The following SPATS2L variants were observed in gnomAD, a reference collection of about 807,000 sequenced individuals.
SPATS2L encodes the protein spermatogenesis associated serine rich 2 like.
SPATS2L carries 30 observed loss-of-function variants against 59.6 expected under a neutral mutation model. That is an observed-to-expected ratio of 0.50 (90% CI 0.38 to 0.68). The LOEUF is 0.68. SPATS2L is among the 30% of genes least tolerant of loss of function. The pLI is 0.00. For missense variants in SPATS2L, 615 were observed against 700.0 expected (o/e 0.88, Z 1.37); for synonymous variants, 252 against 263.5 (o/e 0.96, Z 0.42).
chr2:200,459,903 T>TA, intron 9 of SPATS2L, 76 bp downstream of exon 9: 1 of 1,093,312 alleles, frequency 9.1e-7, no homozygotes, highest in Middle Eastern at 2.0e-4. Flanking sequence ...CTGACAATGA[T>TA]ACCGGCTTCT....
chr2:200,389,338 C>T, intron 3 of SPATS2L, 55 bp downstream of exon 3: 4 of 1,296,754 alleles, frequency 3.1e-6, no homozygotes, highest in Non-Finnish European at 3.2e-6. Flanking sequence ...TAATGCAGTT[C>T]CTAGCAGGTA....
At chr2:200,394,002 T>C (rs1401679796) in intron 3 of SPATS2L, among the ~76,000 whole-genome samples, 1 of 152,262 alleles carries the variant, frequency 6.6e-6, no homozygotes, top group African/African-American at 2.4e-5. Flanking sequence ...CCTGCCTTCA[T>C]GCAGCTTTTA....
chr2:200,476,117 A>C (rs929942638), intron 12 of SPATS2L, among the ~76,000 whole-genome samples: 2 of 152,218 alleles, frequency 1.3e-5, no homozygotes, highest in Admixed American at 1.3e-4. Context: ...AGGAGTTCAG[A>C]AATCTTTCCC....
At chr2:200,459,743 T>G (rs763136500) in intron 8 of SPATS2L, 26 bp from the exon 9 acceptor site, 1 of 1,577,232 alleles carries the variant, frequency 6.3e-7, no homozygotes, top group Admixed American at 1.7e-5. Context: ...TTCTTTGCTT[T>G]TGTTTTTGTT....
intron 2 of SPATS2L, among the ~76,000 whole-genome samples, chr2:200,379,259 G>T (rs749551822): frequency 6.6e-6 from 1 of 152,200 alleles, no homozygotes; most frequent in Admixed American, 6.5e-5. Context: ...GTGACTTAGT[G>T]AGTAGCTTAC....
intron 8 of SPATS2L, among the ~76,000 whole-genome samples, chr2:200,445,380 T>C (rs1290079079): frequency 6.6e-6 from 1 of 152,130 alleles, no homozygotes; most frequent in African/African-American, 2.4e-5. Context: ...TTGAAATAAG[T>C]TTTATCTTTC....
chr2:200,415,934 CAGAGAA>C (rs142248128), intron 4 of SPATS2L, among the ~76,000 whole-genome samples: 4 of 152,090 alleles, frequency 2.6e-5, no homozygotes, highest in African/African-American at 9.6e-5. Flanking sequence ...TGAATAGGGA[CAGAGAA>C]AGAGAAAGAA....
chr2:200,382,222 A>G (rs1183976173), intron 2 of SPATS2L, among the ~76,000 whole-genome samples: 1 of 151,752 alleles, frequency 6.6e-6, no homozygotes, highest in African/African-American at 2.4e-5. Flanking sequence ...CTACAAACAC[A>G]CGCCATCATG....
chr2:200,441,823 C>T (rs182337566), intron 8 of SPATS2L, among the ~76,000 whole-genome samples: 84 of 152,274 alleles, frequency 5.5e-4, no homozygotes, highest in Non-Finnish European at 9.7e-4. Context: ...ATTGGCCTCC[C>T]GTGATTCTAG....
intron 2 of SPATS2L, among the ~76,000 whole-genome samples, chr2:200,366,218 CT>C (rs2081264045): frequency 6.6e-6 from 1 of 152,182 alleles, no homozygotes; most frequent in African/African-American, 2.4e-5. Flanking sequence ...GCCTAGACTA[CT>C]TGAACATGGA....
chr2:200,369,099 G>GAGAA (rs5837735), intron 2 of SPATS2L, among the ~76,000 whole-genome samples: 1 of 149,166 alleles, frequency 6.7e-6, no homozygotes, highest in Non-Finnish European at 1.5e-5. Context: ...AAAAAGAAGA[G>GAGAA]AGTTATGGCT....
At chr2:200,395,821 G>C (rs891590691) in intron 3 of SPATS2L, among the ~76,000 whole-genome samples, 2 of 151,242 alleles carry the variant, frequency 1.3e-5, no homozygotes, top group Non-Finnish European at 2.9e-5. Flanking sequence ...GACCAGCCTG[G>C]CCAACATGGC....
At chr2:200,467,197 C>T in intron 9 of SPATS2L, 93 bp from the exon 10 acceptor site, 1 of 856,484 alleles carries the variant, frequency 1.2e-6, no homozygotes, top group Non-Finnish European at 1.9e-6. Context: ...ACAAAGCAAT[C>T]AGTCTGTGGA....
Position 200,481,076 on chromosome 2 carries a change from A to G in SPATS2L, c.*3045A>G, listed in dbSNP as rs1454056753. On this transcript the variant is annotated 3_prime_UTR_variant, in exon 13 of 13. Transcript: ENST00000409140. ...TTCCAAATTTACATTTCTTTTGAGA[A>G]TCTCTGCATACTCCAGCTCTGTCCT... 6.6e-6 allele frequency: 1 copy of G among 152,164 alleles called. No individual in the cohort carries two copies. The highest frequency in any genetic ancestry group is 1.5e-5 in the Non-Finnish European group (1 of 68,026). 9.4% of individuals were successfully genotyped at this position (152,164 alleles called of 1,614,324 possible). A position where few individuals can be genotyped will look rare whatever the true frequency, so the allele number is the denominator to read the frequency against.
At chr2:200,350,536 T>G (rs956083099) in intron 2 of SPATS2L, among the ~76,000 whole-genome samples, 1 of 152,178 alleles carries the variant, frequency 6.6e-6, no homozygotes, top group Admixed American at 6.6e-5. Flanking sequence ...TGATTTCATT[T>G]TATTTTTTGA....
intron 6 of SPATS2L, among the ~76,000 whole-genome samples, chr2:200,429,150 G>T (rs1031456154): frequency 6.6e-6 from 1 of 152,110 alleles, no homozygotes; most frequent in Non-Finnish European, 1.5e-5. Context: ...AGCTATGCTG[G>T]TCTCTGTTTG....
chr2:200,467,768 C>T lies in SPATS2L; in HGVS notation c.957+369C>T, dbSNP rs761750410. The stretch of plus-strand genomic sequence containing the variant: ...ACATCCACAGGTATATATACACACA[C>T]GAAGCATGAACGTAGTGTAATGGTG... On this transcript the variant is annotated intron_variant, in intron 10 of 12. Transcript: ENST00000409140. 4.7e-4 allele frequency among the ~76,000 whole-genome samples: 72 copies of T among 152,252 alleles called. 1 individual carries two copies. The highest frequency in any genetic ancestry group is 1.3e-4 in the Admixed American group (2 of 15,300).
At chr2:200,316,886 G>T (rs1188738922) in intron 1 of SPATS2L, among the ~76,000 whole-genome samples, 1 of 152,096 alleles carries the variant, frequency 6.6e-6, no homozygotes, top group Non-Finnish European at 1.5e-5. Context: ...CTTTTCCCTG[G>T]CTCCAGACCC....
chr2:200,430,870 A>G (rs760483976), intron 6 of SPATS2L, among the ~76,000 whole-genome samples: 9 of 151,908 alleles, frequency 5.9e-5, no homozygotes, highest in Non-Finnish European at 8.8e-5. Flanking sequence ...GGCGCCTGCC[A>G]CCACTTCCAG....
Sources: gnomAD v4.1 joint callset for allele counts (sites outside exome capture counted in the v4.1 genomes callset) on GRCh38, gnomAD v4.1.1 for gene constraint, MANE v1.5 for transcripts, NCBI Gene and HGNC (gene_info 2026-07-23, HGNC 2026-07-21) for gene names.